The following ACAP2 variants were observed in gnomAD, a reference collection of about 807,000 sequenced individuals.
ACAP2 encodes the protein arf-GAP with coiled-coil, ANK repeat and PH domain-containing protein 2.
A neutral mutation model predicts 115.8 loss-of-function variants in ACAP2; 39 were observed. The ratio of observed to expected loss-of-function variants is 0.34; its 90% CI spans 0.26 to 0.44. The LOEUF is 0.44. Among genes scored for constraint, ACAP2 ranks in the 20% least tolerant of loss-of-function variants. ACAP2 has a pLI of 1.00. For synonymous variants in ACAP2, 289 were observed against 315.8 expected, an observed-to-expected ratio of 0.92 and a Z score of 0.90; for missense variants, 662 against 927.6, an observed-to-expected ratio of 0.71 and a Z score of 3.72.
intron 4 of ACAP2, chr3:195,356,291 C>T (rs368643972): frequency 2.4e-6 from 1 of 423,444 alleles, no homozygotes; most frequent in South Asian, 1.7e-5. Context: ...TTTAGACCAG[C>T]CCCAGGGACA....
At chr3:195,392,031 AATC>A in intron 2 of ACAP2, 56 bp downstream of exon 2, 1 of 1,387,908 alleles carries the variant, frequency 7.2e-7, no homozygotes, top group Non-Finnish European at 1.0e-6. Flanking sequence ...TGTAGGTACT[AATC>A]ATTATTTACA....
chr3:195,417,371 A>C (rs755126591), intron 1 of ACAP2, among the ~76,000 whole-genome samples: 1 of 152,132 alleles, frequency 6.6e-6, no homozygotes, highest in Non-Finnish European at 1.5e-5. Context: ...GTGAGCAGCA[A>C]CACCATTCAC....
chr3:195,423,065 C>A (rs1714312575), intron 1 of ACAP2, among the ~76,000 whole-genome samples: 1 of 151,726 alleles, frequency 6.6e-6, no homozygotes, highest in East Asian at 1.9e-4. Context: ...GGGAACATTT[C>A]AACATGAAAT....
chr3:195,302,145 T>C lies in ACAP2; in HGVS notation c.1146A>G (p.Thr382=). ...EKLDKKSSPS[T]GSLDSGNESK... The stretch of plus-strand genomic sequence containing the variant: ...ACTCATTTCCAGAATCTAGGCTTCC[T>C]GTGGATGGAGATGATTTCTTATCCA... Residue 382 remains threonine (T), a synonymous_variant, in exon 14 of 23, where the codon ACA becomes ACG. Transcript: ENST00000326793. 1 of 1,613,896 alleles carries C rather than the reference T, an allele frequency of 6.2e-7. No homozygotes were observed. The highest frequency in any genetic ancestry group is 8.5e-7 in the Non-Finnish European group (1 of 1,179,976).
intron 1 of ACAP2, among the ~76,000 whole-genome samples, chr3:195,436,950 G>A (rs1383141304): frequency 6.6e-6 from 1 of 152,042 alleles, no homozygotes. Context: ...AATATAATGG[G>A]GTAGGGAAAC....
intron 1 of ACAP2, among the ~76,000 whole-genome samples, chr3:195,424,263 A>G (rs9829862): frequency 0.057 from 2,211 of 38,908 alleles, 73 homozygotes; most frequent in African/African-American, 0.16. Flanking sequence ...GTGTGTGTGT[A>G]TATATATATA....
intron 8 of ACAP2, among the ~76,000 whole-genome samples, chr3:195,328,641 G>A (rs1238453959): frequency 1.3e-5 from 2 of 152,222 alleles, no homozygotes; most frequent in Non-Finnish European, 2.9e-5. Context: ...ATGGCTCTGA[G>A]TGGCATATGA....
chr3:195,403,258 A>G lies in ACAP2; in HGVS notation c.54-11111T>C, dbSNP rs184071401. On this transcript the variant is annotated intron_variant, in intron 1 of 22. Transcript: ENST00000326793. ...GGCCGAAACAGAACCAGAAAGGGAG[A>G]GAGCTGCGGAAGAAGTCAGAATACT... Among the ~76,000 whole-genome samples, 560 of 152,330 alleles carry G rather than the reference A, an allele frequency of 3.7e-3. 16 individuals carry two copies. The South Asian group carries it at 0.039, about 11-fold the overall frequency.
intron 4 of ACAP2, among the ~76,000 whole-genome samples, chr3:195,362,490 C>T (rs1388720944): frequency 6.6e-6 from 1 of 152,016 alleles, no homozygotes; most frequent in Admixed American, 6.6e-5. Flanking sequence ...CCAGTTATTA[C>T]CTTGATACCA....
rs375140036 is a variant in ACAP2 at position 195,362,731 on chromosome 3, T to C, written c.286-17414A>G. Among the ~76,000 whole-genome samples the C allele has an allele frequency of 5.0e-4, 76 of 152,334 alleles. No homozygotes were observed. In the Middle Eastern group the frequency reaches 0.017, roughly 34 times the overall value. On this transcript the variant is annotated intron_variant, in intron 4 of 22. Transcript: ENST00000326793. The stretch of plus-strand genomic sequence containing the variant: ...GACAAAAACCATATGATGACTTCAA[T>C]TGATGCTGAAAAAGCATTTGATACA...
intron 1 of ACAP2, among the ~76,000 whole-genome samples, chr3:195,402,258 C>A (rs1409771181): frequency 6.6e-6 from 1 of 152,062 alleles, no homozygotes; most frequent in East Asian, 1.9e-4. Context: ...CCTGGGGTCA[C>A]GCAAAATGGT....
chr3:195,405,911 G>C (rs1463270953), intron 1 of ACAP2, among the ~76,000 whole-genome samples: 1 of 152,084 alleles, frequency 6.6e-6, no homozygotes, highest in Non-Finnish European at 1.5e-5. Flanking sequence ...CAGATCTTGT[G>C]AGAACTTCAT....
intron 6 of ACAP2, among the ~76,000 whole-genome samples, chr3:195,337,579 G>A (rs1730588705): frequency 6.6e-6 from 1 of 151,802 alleles, no homozygotes; most frequent in Admixed American, 6.6e-5. Flanking sequence ...CTCCCGAGTA[G>A]CTGGGATTAC....
chr3:195,419,846 G>A (rs1215220558), intron 1 of ACAP2, among the ~76,000 whole-genome samples: 1 of 151,930 alleles, frequency 6.6e-6, no homozygotes, highest in Non-Finnish European at 1.5e-5. Context: ...TACATACATC[G>A]GAGTCTGTCT....
chr3:195,325,707 A>C (rs1459190917), intron 9 of ACAP2, among the ~76,000 whole-genome samples: 1 of 152,146 alleles, frequency 6.6e-6, no homozygotes, highest in East Asian at 1.9e-4. Flanking sequence ...TTCTACAAAT[A>C]CCATGATATC....
At chr3:195,414,260 T>TA (rs1277973973) in intron 1 of ACAP2, among the ~76,000 whole-genome samples, 1 of 152,160 alleles carries the variant, frequency 6.6e-6, no homozygotes, top group Non-Finnish European at 1.5e-5. Context: ...GCAGTTTCTT[T>TA]AAAAAAGAAA....
chr3:195,430,990 G>A (rs1486541733), intron 1 of ACAP2, among the ~76,000 whole-genome samples: 1 of 152,018 alleles, frequency 6.6e-6, no homozygotes, highest in East Asian at 1.9e-4. Context: ...ACTAACTCCA[G>A]AAAATCTTCA....
Position 195,276,732 on chromosome 3 carries a change from A to G in ACAP2, c.*2596T>C, listed in dbSNP as rs896428965. ...AATTCAGATTTGTTACATACCATAT[A>G]AAAGCTATTAGTTGACATGGCTAAA... On this transcript the variant is annotated 3_prime_UTR_variant, in exon 23 of 23. Transcript: ENST00000326793. The G allele has an allele frequency of 1.3e-5, 2 of 152,228 alleles. No homozygotes were observed. Among genetic ancestry groups the G allele is most frequent in the Non-Finnish European group, 2.9e-5 (2 of 68,032 alleles). The allele number at this position is 152,228 out of a possible 1,614,324, so 9.4% of individuals were successfully genotyped here.
At chr3:195,290,740 G>A (rs1727182570) in intron 20 of ACAP2, among the ~76,000 whole-genome samples, 1 of 152,028 alleles carries the variant, frequency 6.6e-6, no homozygotes, top group South Asian at 2.1e-4. Context: ...TTGAACCCAG[G>A]AGGCGGAGGT....
Sources: allele counts gnomAD v4.1 joint callset (sites outside exome capture counted in the v4.1 genomes callset), GRCh38; gene constraint gnomAD v4.1.1; transcripts MANE v1.5; gene names NCBI Gene and HGNC (gene_info 2026-07-23, HGNC 2026-07-21).